IKZF1: variants seen among roughly 807,000 people sequenced by gnomAD.
The protein encoded by IKZF1 is IKAROS family zinc finger 1.
Under a neutral mutation model 51.7 loss-of-function variants are expected in IKZF1, and 10 were observed. The ratio of observed to expected loss-of-function variants is 0.19; its 90% CI spans 0.12 to 0.33. IKZF1 has a LOEUF of 0.33. IKZF1 is among the 10% of genes least tolerant of loss of function. The pLI is 1.00. For synonymous variants in IKZF1, 280 were observed against 282.3 expected, an observed-to-expected ratio of 0.99 and a Z score of 0.08; for missense variants, 484 against 707.5, an observed-to-expected ratio of 0.68 and a Z score of 3.58.
At chr7:50,330,121 A>T (rs1238881937) in intron 3 of IKZF1, among the ~76,000 whole-genome samples, 3 of 152,158 alleles carry the variant, frequency 2.0e-5, no homozygotes, top group Non-Finnish European at 4.4e-5. Flanking sequence ...CCCCCAGCAC[A>T]GGTGTCACCT....
intron 6 of IKZF1, 53 bp from the exon 7 acceptor site, chr7:50,391,676 G>A: frequency 6.2e-7 from 1 of 1,604,850 alleles, no homozygotes. Context: ...GGACGCGACT[G>A]AACCCTTTAA....
intron 3 of IKZF1, among the ~76,000 whole-genome samples, chr7:50,345,490 G>A (rs1362523886): frequency 6.6e-6 from 1 of 152,142 alleles, no homozygotes; most frequent in African/African-American, 2.4e-5. Context: ...AGTGGTGTCA[G>A]CACTCCAGAA....
intron 3 of IKZF1, among the ~76,000 whole-genome samples, chr7:50,363,233 C>A (rs1423449167): frequency 6.6e-6 from 1 of 152,114 alleles, no homozygotes; most frequent in African/African-American, 2.4e-5. Flanking sequence ...CCTGGTGGAG[C>A]CCCCAGACCA....
chr7:50,395,259 T>C (rs549197337), intron 7 of IKZF1, among the ~76,000 whole-genome samples: 20 of 152,276 alleles, frequency 1.3e-4, no homozygotes, highest in Admixed American at 3.9e-4. Flanking sequence ...GATAGGTAAA[T>C]ATGAAATAAA....
chr7:50,354,581 T>C (rs1274285433), intron 3 of IKZF1, among the ~76,000 whole-genome samples: 1 of 152,176 alleles, frequency 6.6e-6, no homozygotes, highest in Non-Finnish European at 1.5e-5. Flanking sequence ...GTTTTTGTTT[T>C]TTAAGAGAGA....
intron 1 of IKZF1, among the ~76,000 whole-genome samples, chr7:50,306,814 T>C (rs1788921230): frequency 6.6e-6 from 1 of 152,250 alleles, no homozygotes; most frequent in Non-Finnish European, 1.5e-5. Context: ...TTGTTCTTGA[T>C]TTGGATGTGT....
At chr7:50,306,458 C>T (rs758964932) in intron 1 of IKZF1, among the ~76,000 whole-genome samples, 1 of 152,172 alleles carries the variant, frequency 6.6e-6, no homozygotes, top group Non-Finnish European at 1.5e-5. Flanking sequence ...TTTAATTCAT[C>T]AGTGTTCTAA....
chr7:50,359,176 G>A (rs1420525909), intron 3 of IKZF1, among the ~76,000 whole-genome samples: 2 of 152,176 alleles, frequency 1.3e-5, no homozygotes, highest in African/African-American at 4.8e-5. Flanking sequence ...CAGGAGGATT[G>A]CTTGAGCCCA....
At chr7:50,373,180 C>T (rs1348449127) in intron 3 of IKZF1, among the ~76,000 whole-genome samples, 2 of 152,362 alleles carry the variant, frequency 1.3e-5, no homozygotes, top group East Asian at 3.9e-4. Context: ...TTTGCCTCCT[C>T]CTGCAAGCAG....
chr7:50,341,738 T>C (rs1470148923), intron 3 of IKZF1, among the ~76,000 whole-genome samples: 1 of 152,240 alleles, frequency 6.6e-6, no homozygotes, highest in Non-Finnish European at 1.5e-5. Context: ...CTTAATTCAG[T>C]ATGCTTAAAT....
intron 3 of IKZF1, among the ~76,000 whole-genome samples, chr7:50,365,127 T>C (rs575856780): frequency 6.6e-6 from 1 of 152,356 alleles, no homozygotes; most frequent in African/African-American, 2.4e-5. Context: ...ACTACCCACC[T>C]GGCATCCACA....
chr7:50,308,236 T>G (rs1789283211), intron 1 of IKZF1, among the ~76,000 whole-genome samples: 1 of 152,204 alleles, frequency 6.6e-6, no homozygotes, highest in African/African-American at 2.4e-5. Flanking sequence ...GCCTGCCCAT[T>G]TTGGTGTCTC....
chr7:50,363,723 C>A (rs1257398560), intron 3 of IKZF1, among the ~76,000 whole-genome samples: 2 of 152,138 alleles, frequency 1.3e-5, no homozygotes, highest in Non-Finnish European at 2.9e-5. Context: ...TGGATCCATC[C>A]ACAGAAGGTC....
chr7:50,356,888 G>T lies in IKZF1; in HGVS notation c.161-19645G>T, dbSNP rs901262313. 2.0e-5 allele frequency among the ~76,000 whole-genome samples: 3 copies of T among 151,940 alleles called. No homozygotes were observed. The East Asian group carries it at 5.8e-4, about 29-fold the overall frequency. The stretch of plus-strand genomic sequence containing the variant: ...GGGTGGGACGGTGTCTCTGGATATG[G>T]AGGGAAGGGCGGAAGATCACGGGGT... On this transcript the variant is annotated intron_variant, in intron 3 of 7. Coordinates refer to ENST00000331340, the MANE Select transcript of IKZF1 (RefSeq NM_006060.6).
chr7:50,344,326 C>T (rs902471988), intron 3 of IKZF1, among the ~76,000 whole-genome samples: 7 of 152,176 alleles, frequency 4.6e-5, no homozygotes, highest in Admixed American at 4.6e-4. Flanking sequence ...TGTAGATGAC[C>T]CAGGCCACAT....
chr7:50,342,972 T>G (rs1310069389), intron 3 of IKZF1, among the ~76,000 whole-genome samples: 1 of 152,242 alleles, frequency 6.6e-6, no homozygotes, highest in East Asian at 1.9e-4. Context: ...TGACCTTTCT[T>G]GTTTGCTTGC....
intron 1 of IKZF1, among the ~76,000 whole-genome samples, chr7:50,316,055 C>T (rs1791468248): frequency 6.6e-6 from 1 of 152,164 alleles, no homozygotes; most frequent in African/African-American, 2.4e-5. Flanking sequence ...ATTCTTTTAG[C>T]CTTTCTCTGG....
intron 3 of IKZF1, among the ~76,000 whole-genome samples, chr7:50,362,332 A>C (rs1032082463): frequency 6.6e-6 from 1 of 152,244 alleles, no homozygotes; most frequent in African/African-American, 2.4e-5. Flanking sequence ...CAGATAGAGT[A>C]AGTGTCTGCC....
intron 3 of IKZF1, among the ~76,000 whole-genome samples, chr7:50,340,770 A>G (rs1053877590): frequency 6.6e-6 from 1 of 152,226 alleles, no homozygotes; most frequent in Non-Finnish European, 1.5e-5. Context: ...TACCAGGTGT[A>G]GCCACCCTTA....
Sources: allele counts gnomAD v4.1 joint callset (sites outside exome capture counted in the v4.1 genomes callset), GRCh38; gene constraint gnomAD v4.1.1; transcripts MANE v1.5; gene names NCBI Gene and HGNC (gene_info 2026-07-23, HGNC 2026-07-21).